NUBPL: variants seen among roughly 807,000 people sequenced by gnomAD.
NUBPL encodes NUBP iron-sulfur cluster assembly factor, mitochondrial, also known as iron-sulfur cluster transfer protein NUBPL.
Under a neutral mutation model 45.7 loss-of-function variants are expected in NUBPL, and 31 were observed. The ratio of observed to expected loss-of-function variants is 0.68; its 90% CI spans 0.51 to 0.92. NUBPL has a LOEUF of 0.92. Among genes scored for constraint, NUBPL ranks in the 40% least tolerant of loss-of-function variants. The probability of loss-of-function intolerance (pLI) is 0.00; values close to 1 mark genes in which losing one functional copy is unlikely to be tolerated. For synonymous variants in NUBPL, 144 were observed against 140.9 expected, an observed-to-expected ratio of 1.02 and a Z score of -0.15; for missense variants, 401 against 398.7, an observed-to-expected ratio of 1.01 and a Z score of -0.05.
At chr14:31,658,171 C>A (rs920212172) in intron 4 of NUBPL, among the ~76,000 whole-genome samples, 1 of 152,148 alleles carries the variant, frequency 6.6e-6, no homozygotes, top group Non-Finnish European at 1.5e-5. Context: ...ATTAGCTAAC[C>A]TTTCAACTGT....
chr14:31,678,747 G>T (rs2036759488), intron 6 of NUBPL, among the ~76,000 whole-genome samples: 1 of 152,214 alleles, frequency 6.6e-6, no homozygotes, highest in South Asian at 2.1e-4. Flanking sequence ...TGTGCAGCCT[G>T]GGGTTGGGGG....
rs1175809866 is a variant in NUBPL, at chr14:31,718,855, T to G, written c.513+45281T>G. The stretch of plus-strand genomic sequence containing the variant: ...CACGTAGTGTCTGCTCTATATCAAA[T>G]GAACCTGAGTAATTGAAATTGAGTA... On this transcript the variant is annotated intron_variant, in intron 6 of 10. Transcript: ENST00000281081. 2.6e-5 allele frequency among the ~76,000 whole-genome samples: 4 copies of G among 152,190 alleles called. No homozygotes were observed. In the South Asian group the frequency reaches 8.3e-4, roughly 32 times the overall value.
intron 6 of NUBPL, among the ~76,000 whole-genome samples, chr14:31,685,040 A>G (rs1050216766): frequency 2.6e-5 from 4 of 152,232 alleles, no homozygotes; most frequent in Non-Finnish European, 5.9e-5. Flanking sequence ...GTTTGGAGCA[A>G]TGGTTTTCCA....
intron 6 of NUBPL, among the ~76,000 whole-genome samples, chr14:31,728,344 A>C (rs1243612964): frequency 6.6e-6 from 1 of 152,030 alleles, no homozygotes; most frequent in African/African-American, 2.4e-5. Flanking sequence ...TAGAGACAAG[A>C]TCTCGCTACA....
chr14:31,708,773 C>T (rs2037507913), intron 6 of NUBPL, among the ~76,000 whole-genome samples: 1 of 152,142 alleles, frequency 6.6e-6, no homozygotes, highest in South Asian at 2.1e-4. Flanking sequence ...TTCCGGGCAC[C>T]CTCAGTCCTG....
chr14:31,799,971 CTAAG>C (rs2039554136), intron 7 of NUBPL, among the ~76,000 whole-genome samples: 1 of 152,244 alleles, frequency 6.6e-6, no homozygotes, highest in African/African-American at 2.4e-5. Context: ...GTTTTATCAA[CTAAG>C]TGTGTGTAAT....
At chr14:31,789,833 C>T (rs759252385) in intron 7 of NUBPL, among the ~76,000 whole-genome samples, 19 of 151,342 alleles carry the variant, frequency 1.3e-4, no homozygotes, top group Non-Finnish European at 2.7e-4. Context: ...TTTGATAAGG[C>T]AGGCTGTAAA....
chr14:31,702,120 G>A (rs937314009), intron 6 of NUBPL, among the ~76,000 whole-genome samples: 2 of 152,126 alleles, frequency 1.3e-5, no homozygotes, highest in African/African-American at 4.8e-5. Context: ...CAGGAAAAGA[G>A]TACATATTAA....
chr14:31,609,370 G>T (rs1173743234), intron 4 of NUBPL, among the ~76,000 whole-genome samples: 1 of 152,092 alleles, frequency 6.6e-6, no homozygotes, highest in Non-Finnish European at 1.5e-5. Flanking sequence ...GCAGCAAGAG[G>T]ATATAACAAT....
Position 31,859,409 on chromosome 14 carries a change from A to C in NUBPL, c.*229A>C, listed in dbSNP as rs1489388794. ...TTGAAAGCTGGTGTGTACCACCTGC[A>C]AAGAACTGCATTTTATTTTATTGAA... On this transcript the variant is annotated 3_prime_UTR_variant, in exon 11 of 11. Coordinates refer to ENST00000281081, the MANE Select transcript of NUBPL (RefSeq NM_025152.3). 7 of 545,558 alleles carry C rather than the reference A, an allele frequency of 1.3e-5. No individual in the cohort carries two copies. In the East Asian group the frequency reaches 2.2e-4, roughly 17 times the overall value. 33.8% of individuals were successfully genotyped at this position (545,558 alleles called of 1,614,324 possible). A position where few individuals can be genotyped will look rare whatever the true frequency, so the allele number is the denominator to read the frequency against.
intron 6 of NUBPL, among the ~76,000 whole-genome samples, chr14:31,753,103 G>A (rs78333542): frequency 2.8e-4 from 42 of 152,308 alleles, no homozygotes; most frequent in African/African-American, 7.5e-4. Context: ...ATATCACAGC[G>A]TCAGTGATGT....
At chr14:31,792,021 T>C (rs2039392326) in intron 7 of NUBPL, among the ~76,000 whole-genome samples, 1 of 152,142 alleles carries the variant, frequency 6.6e-6, no homozygotes, top group African/African-American at 2.4e-5. Flanking sequence ...CTCAGAAGGG[T>C]TTAGTGGCTT....
intron 6 of NUBPL, chr14:31,714,919 A>G (rs1458317765): frequency 1.3e-5 from 2 of 152,224 alleles, no homozygotes; most frequent in African/African-American, 2.4e-5. Context: ...ACAACAAACG[A>G]GAAATAAGTA....
intron 7 of NUBPL, among the ~76,000 whole-genome samples, chr14:31,793,675 G>C (rs1040015625): frequency 1.3e-5 from 2 of 152,028 alleles, no homozygotes; most frequent in African/African-American, 4.8e-5. Flanking sequence ...GCTGGAAGCT[G>C]CTTGAATGCA....
intron 4 of NUBPL, among the ~76,000 whole-genome samples, chr14:31,648,534 C>A (rs1010768769): frequency 1.3e-5 from 2 of 152,084 alleles, no homozygotes; most frequent in East Asian, 3.8e-4. Context: ...GTTTTATAGT[C>A]GTGGTGATAT....
At chr14:31,825,530 A>T (rs1486058753) in intron 7 of NUBPL, among the ~76,000 whole-genome samples, 1 of 138,126 alleles carries the variant, frequency 7.2e-6, no homozygotes, top group Non-Finnish European at 1.5e-5. Context: ...CCTCCTTAGC[A>T]TATGGTATTG....
chr14:31,737,246 T>C (rs2038185032), intron 6 of NUBPL, among the ~76,000 whole-genome samples: 1 of 152,226 alleles, frequency 6.6e-6, no homozygotes, highest in Admixed American at 6.5e-5. Flanking sequence ...TCTGTTTTCT[T>C]CTAGAAGCTT....
chr14:31,828,706 G>C (rs912617107), intron 8 of NUBPL, among the ~76,000 whole-genome samples: 1 of 152,122 alleles, frequency 6.6e-6, no homozygotes, highest in African/African-American at 2.4e-5. Context: ...TTGCTAGTTA[G>C]GAGTCTAATG....
intron 3 of NUBPL, among the ~76,000 whole-genome samples, chr14:31,590,490 C>G (rs1440021196): frequency 6.6e-6 from 1 of 152,176 alleles, no homozygotes; most frequent in Non-Finnish European, 1.5e-5. Flanking sequence ...GATTTTGAGT[C>G]TGAAGGGTGG....
Sources: allele counts gnomAD v4.1 joint callset (sites outside exome capture counted in the v4.1 genomes callset), GRCh38; gene constraint gnomAD v4.1.1; transcripts MANE v1.5; gene names NCBI Gene and HGNC (gene_info 2026-07-23, HGNC 2026-07-21).